The following SLCO3A1 variants were observed in gnomAD, a reference collection of about 807,000 sequenced individuals.
The protein encoded by SLCO3A1 is PGE1 transporter.
Under a neutral mutation model 63.1 loss-of-function variants are expected in SLCO3A1, and 27 were observed. That is an observed-to-expected ratio of 0.43 (90% confidence interval 0.32 to 0.59). SLCO3A1 has a LOEUF of 0.59. Ranked by LOEUF, SLCO3A1 falls within the 20% of genes least tolerant of loss-of-function variation. SLCO3A1 has a pLI of 0.09. For synonymous variants in SLCO3A1, 473 were observed against 409.9 expected (o/e 1.15, Z -1.86); for missense variants, 773 against 945.8 (o/e 0.82, Z 2.40).
At chr15:91,884,135 T>C (rs1897664476) in intron 1 of SLCO3A1, among the ~76,000 whole-genome samples, 1 of 152,260 alleles carries the variant, frequency 6.6e-6, no homozygotes, top group Non-Finnish European at 1.5e-5. Flanking sequence ...CTTCATTTTG[T>C]AATGAGGATT....
intron 2 of SLCO3A1, among the ~76,000 whole-genome samples, chr15:92,058,660 C>T (rs376925706): frequency 6.6e-6 from 1 of 152,136 alleles, no homozygotes; most frequent in South Asian, 2.1e-4. Context: ...TAATGCTTTC[C>T]TGGGGCTGCA....
chr15:92,086,454 G>T (rs1449914591), intron 2 of SLCO3A1, among the ~76,000 whole-genome samples: 1 of 151,822 alleles, frequency 6.6e-6, no homozygotes, highest in Non-Finnish European at 1.5e-5. Context: ...TTTTCTCCTG[G>T]TTTTTTTCTT....
intron 1 of SLCO3A1, among the ~76,000 whole-genome samples, chr15:91,914,469 G>C (rs72750095): frequency 0.07 from 10,576 of 151,818 alleles, 525 homozygotes; most frequent in Non-Finnish European, 0.11. Flanking sequence ...GATCTGTATT[G>C]TGTCTACCTA....
chr15:91,989,302 G>A (rs977156177), intron 2 of SLCO3A1, among the ~76,000 whole-genome samples: 14 of 152,022 alleles, frequency 9.2e-5, no homozygotes, highest in African/African-American at 1.2e-4. Flanking sequence ...AGCCCTTAAC[G>A]TACTGTATTA....
At chr15:92,002,833 T>C (rs2046271068) in intron 2 of SLCO3A1, among the ~76,000 whole-genome samples, 1 of 152,208 alleles carries the variant, frequency 6.6e-6, no homozygotes, top group Admixed American at 6.5e-5. Flanking sequence ...GGGATACCTA[T>C]GCTGATAATA....
At position 91,900,327 on chromosome 15, in the gene SLCO3A1, G is replaced by A. The variant is rs964231305; in HGVS notation, c.181-15666G>A. ...CGTGAATACTTTGTATTGTCTGTTC[G>A]TTTGTTTGTTTTTGTTTTTTGAGAT... is the stretch of plus-strand genomic sequence containing the variant. On this transcript the variant is annotated intron_variant, in intron 1 of 9. Transcript: ENST00000318445. This position sits in a 1 kb window ranked among gnomAD's most constrained non-coding sequence, Gnocchi z 4.3. Among the ~76,000 whole-genome samples the A allele has an allele frequency of 6.6e-6, 1 of 152,090 alleles. No individual in the cohort carries two copies.
At chr15:91,993,512 A>T (rs2151446311) in intron 2 of SLCO3A1, among the ~76,000 whole-genome samples, 1 of 152,322 alleles carries the variant, frequency 6.6e-6, no homozygotes, top group African/African-American at 2.4e-5. Context: ...TTGGGATGAC[A>T]TGGGCATTTC....
At chr15:91,864,716 T>C (rs1267531411) in intron 1 of SLCO3A1, among the ~76,000 whole-genome samples, 2 of 152,196 alleles carry the variant, frequency 1.3e-5, no homozygotes, top group Admixed American at 1.3e-4. Context: ...GGGAACTATT[T>C]TGTGTGACAA....
intron 9 of SLCO3A1, among the ~76,000 whole-genome samples, chr15:92,155,601 A>T (rs1322149881): frequency 1.3e-5 from 2 of 151,178 alleles, no homozygotes; most frequent in East Asian, 1.9e-4. Context: ...TGAGCAGGGC[A>T]TGAGGTTTAG....
chr15:91,882,528 T>C lies in SLCO3A1; in HGVS notation c.180+28440T>C, dbSNP rs1396660793. ...CCCACTATGTATGACTTCTTTTTTT[T>C]CCTTGAGATGGAGTTTCACTCTGTC... On this transcript the variant is annotated intron_variant, in intron 1 of 9. Coordinates refer to ENST00000318445, the MANE Select transcript of SLCO3A1 (RefSeq NM_013272.4). The surrounding 1 kb of genome is among the most constrained non-coding windows in gnomAD (Gnocchi z 4.4). Among the ~76,000 whole-genome samples the C allele has an allele frequency of 6.6e-6, 1 of 152,012 alleles. No homozygotes were observed. Among genetic ancestry groups the C allele is most frequent in the Non-Finnish European group, 1.5e-5 (1 of 68,016 alleles).
chr15:91,961,182 G>T (rs946783257), intron 2 of SLCO3A1, among the ~76,000 whole-genome samples: 11 of 152,106 alleles, frequency 7.2e-5, no homozygotes, highest in Admixed American at 7.2e-4. Flanking sequence ...TCTCCTAATT[G>T]CATTATCTAT....
At chr15:91,946,876 A>G (rs942126903) in intron 2 of SLCO3A1, among the ~76,000 whole-genome samples, 1 of 152,156 alleles carries the variant, frequency 6.6e-6, no homozygotes, top group Non-Finnish European at 1.5e-5. Context: ...CTTCTAGCCA[A>G]CGGAACCTGC....
rs1431132555 is a variant in SLCO3A1 at position 91,900,059 on chromosome 15, T to C, written c.181-15934T>C. Reference sequence around the variant, plus strand: ...TCACATTTTGTTTCTCTGTTAACCATTCATGGATGTTTGAGTTGTTCCCAA... The same window carrying C: ...TCACATTTTGTTTCTCTGTTAACCACTCATGGATGTTTGAGTTGTTCCCAA... On this transcript the variant is annotated intron_variant, in intron 1 of 9. Transcript: ENST00000318445. This position sits in a 1 kb window ranked among gnomAD's most constrained non-coding sequence, Gnocchi z 4.3. Among the ~76,000 whole-genome samples, 1 of 152,232 alleles carries C rather than the reference T, an allele frequency of 6.6e-6. No individual in the cohort carries two copies. The highest frequency in any genetic ancestry group is 1.9e-4 in the East Asian group (1 of 5,200).
At chr15:92,100,756 C>T (rs1028683602) in intron 3 of SLCO3A1, among the ~76,000 whole-genome samples, 5 of 152,176 alleles carry the variant, frequency 3.3e-5, no homozygotes, top group Admixed American at 1.3e-4. Flanking sequence ...GGTTATGTTG[C>T]GGTAACAAAC....
chr15:92,008,677 C>T (rs1432863392), intron 2 of SLCO3A1, among the ~76,000 whole-genome samples: 2 of 152,168 alleles, frequency 1.3e-5, no homozygotes, highest in Admixed American at 6.5e-5. Context: ...GGGTTTTATA[C>T]ACACATGCAC....
chr15:91,999,114 T>C (rs1049198120), intron 2 of SLCO3A1, among the ~76,000 whole-genome samples: 2 of 152,128 alleles, frequency 1.3e-5, no homozygotes, highest in Non-Finnish European at 2.9e-5. Context: ...AAGTCGGCAA[T>C]AATAGACACT....
chr15:92,164,624 C>T lies in SLCO3A1; in HGVS notation c.*1489C>T, dbSNP rs997139710. On this transcript the variant is annotated 3_prime_UTR_variant, in exon 10 of 10. Transcript: ENST00000318445. ...AAGAAGTCTGTAGCATCTCTGATAA[C>T]GAATAGACCCACAAGCTCCTGGAAG... 14 of 985,112 alleles carry T rather than the reference C, an allele frequency of 1.4e-5. No homozygotes were observed. Among genetic ancestry groups the T allele is most frequent in the Middle Eastern group, 5.2e-4 (1 of 1,936 alleles). The allele number at this position is 985,112 out of a possible 1,614,324, so 61.0% of individuals were successfully genotyped here.
At chr15:91,896,782 G>A (rs1898015240) in intron 1 of SLCO3A1, among the ~76,000 whole-genome samples, 1 of 152,190 alleles carries the variant, frequency 6.6e-6, no homozygotes, top group Non-Finnish European at 1.5e-5. Context: ...TAATACAGAG[G>A]TGCTTTTTCT....
At chr15:92,067,743 A>G (rs901891822) in intron 2 of SLCO3A1, among the ~76,000 whole-genome samples, 2 of 152,212 alleles carry the variant, frequency 1.3e-5, no homozygotes, top group African/African-American at 4.8e-5. Context: ...CTTGGAAGGA[A>G]TCACACCTAT....
Sources: allele counts gnomAD v4.1 joint callset (sites outside exome capture counted in the v4.1 genomes callset), GRCh38; gene constraint gnomAD v4.1.1; non-coding constraint Gnocchi (gnomAD v3.1); transcripts MANE v1.5; gene names NCBI Gene and HGNC (gene_info 2026-07-23, HGNC 2026-07-21).